The following CDH13 variants were observed in gnomAD, a reference collection of about 807,000 sequenced individuals.
CDH13 encodes the protein cadherin-13.
CDH13 carries 24 observed loss-of-function variants against 63.8 expected under a neutral mutation model. That is an observed-to-expected ratio of 0.38 (90% confidence interval 0.27 to 0.53). The LOEUF (loss-of-function observed/expected upper bound fraction) is 0.53. CDH13 is among the 20% of genes least tolerant of loss of function. The pLI, the probability that CDH13 is intolerant of heterozygous loss-of-function variation, is 0.85. For missense variants in CDH13, 1,049 were observed against 903.1 expected (o/e 1.16, Z -2.07); for synonymous variants, 503 against 355.3 (o/e 1.42, Z -4.67).
intron 6 of CDH13, among the ~76,000 whole-genome samples, chr16:83,392,593 A>G (rs569043228): frequency 1.3e-4 from 20 of 152,294 alleles, no homozygotes; most frequent in Admixed American, 5.9e-4. Flanking sequence ...GTGTGCACAC[A>G]GAAGGTACTG....
At chr16:83,206,221 C>G (rs2039177305) in intron 4 of CDH13, among the ~76,000 whole-genome samples, 2 of 152,222 alleles carry the variant, frequency 1.3e-5, no homozygotes, top group African/African-American at 4.8e-5. Context: ...AAAACAAACA[C>G]AAGTACTGAT....
chr16:83,280,096 A>C (rs939884297), intron 5 of CDH13, among the ~76,000 whole-genome samples: 2 of 152,192 alleles, frequency 1.3e-5, no homozygotes, highest in Non-Finnish European at 2.9e-5. Flanking sequence ...GTTTTTTAAA[A>C]TAAGACAACA....
intron 5 of CDH13, among the ~76,000 whole-genome samples, chr16:83,296,322 C>G (rs1051813812): frequency 2.0e-5 from 3 of 152,154 alleles, no homozygotes; most frequent in Non-Finnish European, 2.9e-5. Flanking sequence ...ATATCCCACT[C>G]TAGGTCAGTC....
At chr16:83,523,812 C>A (rs898875538) in intron 7 of CDH13, among the ~76,000 whole-genome samples, 4 of 152,214 alleles carry the variant, frequency 2.6e-5, no homozygotes, top group African/African-American at 9.6e-5. Flanking sequence ...CGACAACAGT[C>A]CCCATTTCAA....
intron 1 of CDH13, among the ~76,000 whole-genome samples, chr16:82,678,764 T>C (rs1406885292): frequency 1.3e-5 from 2 of 152,234 alleles, no homozygotes; most frequent in Non-Finnish European, 2.9e-5. Context: ...TGGGCCACTT[T>C]GTTCCTGAAA....
At chr16:83,061,563 T>A (rs1483560139) in intron 3 of CDH13, among the ~76,000 whole-genome samples, 1 of 152,194 alleles carries the variant, frequency 6.6e-6, no homozygotes, top group Non-Finnish European at 1.5e-5. Flanking sequence ...GATGTTCTCC[T>A]ATGTCCTGAA....
chr16:82,877,336 G>A (rs923725992), intron 2 of CDH13, among the ~76,000 whole-genome samples: 2 of 152,224 alleles, frequency 1.3e-5, no homozygotes, highest in African/African-American at 2.4e-5. Flanking sequence ...TGCATGGATT[G>A]TCCAAATGAA....
intron 1 of CDH13, among the ~76,000 whole-genome samples, chr16:82,652,706 G>GTT (rs10719140): frequency 2.3e-4 from 28 of 120,984 alleles, no homozygotes; most frequent in African/African-American, 3.3e-4. Context: ...ACCTAGAATT[G>GTT]TTTTTTTTTT....
chr16:82,768,889 G>C (rs188803733), intron 1 of CDH13, among the ~76,000 whole-genome samples: 1 of 152,228 alleles, frequency 6.6e-6, no homozygotes, highest in African/African-American at 2.4e-5. Flanking sequence ...TTAATATTTT[G>C]TATTTTGCAA....
At chr16:82,645,045 G>C (rs1909924926) in intron 1 of CDH13, among the ~76,000 whole-genome samples, 1 of 152,108 alleles carries the variant, frequency 6.6e-6, no homozygotes, top group Admixed American at 6.5e-5. Flanking sequence ...AGTTTCAGAG[G>C]GCTCTTCCCA....
chr16:83,220,521 T>A lies in CDH13; in HGVS notation c.636+3024T>A, dbSNP rs895057970. ...CAAGTTTAAAAAGGAGAGAGCCGGG[T>A]GCAGCACACCAACATGGCTCATGTA... is the stretch of plus-strand genomic sequence containing the variant. On this transcript the variant is annotated intron_variant, in intron 5 of 13. Coordinates refer to ENST00000567109, the MANE Select transcript of CDH13 (RefSeq NM_001257.5). Among the ~76,000 whole-genome samples the A allele has an allele frequency of 7.2e-5, 11 of 152,076 alleles. No individual in the cohort carries two copies. The East Asian group carries it at 9.7e-4, about 13-fold the overall frequency.
At chr16:83,261,781 C>T (rs1321947215) in intron 5 of CDH13, among the ~76,000 whole-genome samples, 1 of 151,128 alleles carries the variant, frequency 6.6e-6, no homozygotes, top group East Asian at 2.0e-4. Flanking sequence ...AGAGCTTGAA[C>T]CCAGATCTGT....
At chr16:83,327,977 G>A (rs1315926910) in intron 5 of CDH13, among the ~76,000 whole-genome samples, 1 of 151,874 alleles carries the variant, frequency 6.6e-6, no homozygotes, top group African/African-American at 2.4e-5. Context: ...CTGAAAATAT[G>A]AAAAAATTAG....
chr16:82,958,983 C>T lies in CDH13; in HGVS notation c.158-73027C>T, dbSNP rs911322825. ...GACTGAAGATCAAATTTACAACGTG[C>T]TTAGACTTCTACAGTGTTGCTGAAA... On this transcript the variant is annotated intron_variant, in intron 2 of 13. Coordinates refer to ENST00000567109, the MANE Select transcript of CDH13 (RefSeq NM_001257.5). Among the ~76,000 whole-genome samples, 4 of 152,334 alleles carry T rather than the reference C, an allele frequency of 2.6e-5. No individual in the cohort carries two copies. The East Asian group carries it at 7.7e-4, about 29-fold the overall frequency.
chr16:83,702,820 G>A (rs1250428348), intron 10 of CDH13, among the ~76,000 whole-genome samples: 2 of 152,188 alleles, frequency 1.3e-5, no homozygotes, highest in African/African-American at 4.8e-5. Context: ...GGGTCTGGGA[G>A]AAAACTGGCC....
intron 6 of CDH13, among the ~76,000 whole-genome samples, chr16:83,393,535 C>A (rs893394418): frequency 6.6e-6 from 1 of 152,196 alleles, no homozygotes; most frequent in Admixed American, 6.5e-5. Flanking sequence ...GGAACCAGGG[C>A]AGCTGCTAAG....
chr16:83,524,612 C>G (rs979836582), intron 7 of CDH13, among the ~76,000 whole-genome samples: 1 of 151,936 alleles, frequency 6.6e-6, no homozygotes, highest in African/African-American at 2.4e-5. Flanking sequence ...GCCACCACAC[C>G]CAGCTAATTT....
chr16:83,548,391 G>A (rs897261291), intron 7 of CDH13, among the ~76,000 whole-genome samples: 1 of 152,114 alleles, frequency 6.6e-6, no homozygotes, highest in African/African-American at 2.4e-5. Flanking sequence ...TAAGGATGTG[G>A]CTAAATATCC....
At chr16:82,871,901 G>A (rs376840456) in intron 2 of CDH13, among the ~76,000 whole-genome samples, 4 of 152,156 alleles carry the variant, frequency 2.6e-5, no homozygotes, top group African/African-American at 9.7e-5. Context: ...AAGAGCCAGA[G>A]CATCTGTTTT....
Sources: gnomAD v4.1 joint callset for allele counts (sites outside exome capture counted in the v4.1 genomes callset) on GRCh38, gnomAD v4.1.1 for gene constraint, MANE v1.5 for transcripts, NCBI Gene and HGNC (gene_info 2026-07-23, HGNC 2026-07-21) for gene names.